Variants in MGST1 observed in about 807,000 individuals in gnomAD.
The protein encoded by MGST1 is microsomal glutathione S-transferase 1.
In MGST1, 5 loss-of-function variants were observed where a neutral mutation model predicts 8.9. The observed-to-expected ratio is 0.56, with a 90% CI of 0.29 to 1.19. The LOEUF (loss-of-function observed/expected upper bound fraction) is 1.19. Ranked by LOEUF, MGST1 falls within the 50% of genes most tolerant of loss-of-function variation. MGST1 has a pLI of 0.08. For missense variants in MGST1, 182 were observed against 187.4 expected, an observed-to-expected ratio of 0.97 and a Z score of 0.17; for synonymous variants, 54 against 67.8, an observed-to-expected ratio of 0.80 and a Z score of 1.00.
downstream of MGST1, among the ~76,000 whole-genome samples, chr12:16,368,875 C>T (rs1421376038): frequency 2.0e-5 from 3 of 152,054 alleles, no homozygotes; most frequent in Non-Finnish European, 2.9e-5. Flanking sequence ...AAACATGAAC[C>T]AGGACAATAT....
At chr12:16,446,733 G>A (rs578171639) in intron 4 of MGST1, among the ~76,000 whole-genome samples, 11 of 151,862 alleles carry the variant, frequency 7.2e-5, no homozygotes, top group African/African-American at 2.7e-4. Context: ...ATCCCCTCCT[G>A]TCAAGCCCCA....
At chr12:16,524,348 A>G (rs1330955135) in intron 4 of MGST1, among the ~76,000 whole-genome samples, 3 of 152,098 alleles carry the variant, frequency 2.0e-5, no homozygotes, top group South Asian at 2.1e-4. Flanking sequence ...GAAAAAAAAA[A>G]TACTTCCAAA....
rs1941696647 is a variant in MGST1 at position 16,527,762 on chromosome 12, T to G, written n.483-61766T>G. ...CATATCCCATTCTATCTTCAGATAT[T>G]TTTCATCTTACTTATACACCTTGCA... On this transcript the variant is annotated intron_variant and non_coding_transcript_variant, in intron 4 of 4. Coordinates refer to the MGST1 transcript ENST00000538857. Among the ~76,000 whole-genome samples the G allele has an allele frequency of 3.9e-5, 6 of 152,016 alleles. No individual in the cohort carries two copies. The South Asian group carries it at 1.2e-3, about 31-fold the overall frequency.
At chr12:16,384,275 A>C (rs1260482963) in intron 1 of MGST1, among the ~76,000 whole-genome samples, 11 of 152,160 alleles carry the variant, frequency 7.2e-5, no homozygotes, top group Non-Finnish European at 1.5e-4. Context: ...TGGAACCTAT[A>C]AATGTGACCT....
intron 1 of MGST1, among the ~76,000 whole-genome samples, chr12:16,396,926 G>GA (rs1325214526): frequency 4.6e-5 from 7 of 151,554 alleles, no homozygotes; most frequent in Admixed American, 6.6e-5. Context: ...CACAGAACTA[G>GA]AAAAAAAATC....
chr12:16,454,902 A>AAGAAG (rs1941160422), intron 4 of MGST1, among the ~76,000 whole-genome samples: 3 of 125,986 alleles, frequency 2.4e-5, no homozygotes, highest in African/African-American at 6.5e-5. Context: ...AAAAAAAAAA[A>AAGAAG]AAGGAGATGG....
chr12:16,534,115 A>C (rs1278068163), intron 4 of MGST1, among the ~76,000 whole-genome samples: 1 of 152,176 alleles, frequency 6.6e-6, no homozygotes, highest in Admixed American at 6.5e-5. Flanking sequence ...TGGGATATCA[A>C]CTCAAATTTA....
At chr12:16,572,931 A>C (rs1198550084) in intron 4 of MGST1, among the ~76,000 whole-genome samples, 2 of 151,738 alleles carry the variant, frequency 1.3e-5, no homozygotes, top group African/African-American at 4.8e-5. Context: ...GTGGATATAA[A>C]ATTGATCATC....
intron 4 of MGST1, among the ~76,000 whole-genome samples, chr12:16,511,222 A>G (rs895410669): frequency 6.6e-6 from 1 of 152,264 alleles, no homozygotes; most frequent in African/African-American, 2.4e-5. Flanking sequence ...CCTGATAGTC[A>G]TTGATATAAT....
At chr12:16,565,545 TAAAG>T (rs781634923) in intron 4 of MGST1, among the ~76,000 whole-genome samples, 2 of 152,128 alleles carry the variant, frequency 1.3e-5, no homozygotes, top group African/African-American at 2.4e-5. Context: ...TTATGAAAGT[TAAAG>T]AAAAGTAAAA....
intron 4 of MGST1, among the ~76,000 whole-genome samples, chr12:16,474,776 A>T (rs564419836): frequency 9.2e-5 from 14 of 152,326 alleles, no homozygotes; most frequent in South Asian, 2.1e-4. Context: ...TTCAGAGAAG[A>T]CCTGCGTTTG....
intron 4 of MGST1, among the ~76,000 whole-genome samples, chr12:16,454,533 T>A (rs1591733633): frequency 6.6e-6 from 1 of 151,994 alleles, no homozygotes; most frequent in East Asian, 1.9e-4. Flanking sequence ...AAGAGAAAGA[T>A]GTTAAATAAA....
downstream of MGST1, among the ~76,000 whole-genome samples, chr12:16,366,646 CACACACACACACACACACAT>C (rs752859470): frequency 2.9e-3 from 209 of 72,252 alleles, no homozygotes; most frequent in East Asian, 5.7e-3. The surrounding 1 kb of genome is among the most constrained non-coding windows in gnomAD (Gnocchi z 4.0). Flanking sequence ...CACACACACA[CACACACACACACACACACAT>C]ACACACACAC....
At chr12:16,433,365 G>C (rs1343597041) in intron 1 of MGST1, among the ~76,000 whole-genome samples, 1 of 151,894 alleles carries the variant, frequency 6.6e-6, no homozygotes, top group Non-Finnish European at 1.5e-5. Flanking sequence ...ATAATACTTG[G>C]CATCCTTCAA....
At chr12:16,541,861 T>G (rs1312510761) in intron 4 of MGST1, among the ~76,000 whole-genome samples, 4 of 152,124 alleles carry the variant, frequency 2.6e-5, no homozygotes, top group Non-Finnish European at 5.9e-5. Flanking sequence ...GCCAAGTATA[T>G]CAGGCAGGGG....
intron 4 of MGST1, among the ~76,000 whole-genome samples, chr12:16,535,866 A>G (rs1018187221): frequency 1.3e-5 from 2 of 152,176 alleles, no homozygotes; most frequent in African/African-American, 4.8e-5. Context: ...CTGGATGAGA[A>G]ACGATTTTGA....
At chr12:16,469,333 G>A (rs1241398116) in intron 4 of MGST1, among the ~76,000 whole-genome samples, 1 of 151,968 alleles carries the variant, frequency 6.6e-6, no homozygotes, top group African/African-American at 2.4e-5. Context: ...CTACAGGCAT[G>A]TGCCACCATG....
chr12:16,490,911 A>C (rs1360662621), intron 4 of MGST1, among the ~76,000 whole-genome samples: 1 of 152,200 alleles, frequency 6.6e-6, no homozygotes, highest in South Asian at 2.1e-4. Context: ...AGTACTTTCA[A>C]GATCTGAATT....
At position 16,361,675 on chromosome 12, in the gene MGST1, G is replaced by T. The variant is rs4149202; in HGVS notation, c.222-2120G>T. Among the ~76,000 whole-genome samples, 14,041 of 152,156 alleles carry T rather than the reference G, an allele frequency of 0.092. 734 individuals are homozygous for T. The highest frequency in any genetic ancestry group is 0.22 in the East Asian group (1,151 of 5,142). ...CACAGGGAAAGCTGGGGAACTGTTTGCCTGGAACAGAGTCTCAAAAGAAGT... is the reference window on the plus strand; with the variant it reads ...CACAGGGAAAGCTGGGGAACTGTTTTCCTGGAACAGAGTCTCAAAAGAAGT... On this transcript the variant is annotated intron_variant, in intron 3 of 3. Coordinates refer to ENST00000396210, the MANE Select transcript of MGST1 (RefSeq NM_020300.5). The surrounding 1 kb of genome is among the most constrained non-coding windows in gnomAD (Gnocchi z 4.2).
Sources: allele counts gnomAD v4.1 joint callset (sites outside exome capture counted in the v4.1 genomes callset), GRCh38; gene constraint gnomAD v4.1.1; non-coding constraint Gnocchi (gnomAD v3.1); transcripts MANE v1.5; gene names NCBI Gene and HGNC (gene_info 2026-07-23, HGNC 2026-07-21).